The following LYRM7 variants were observed in gnomAD, a reference collection of about 807,000 sequenced individuals.
LYRM7 encodes the protein LYR motif containing 7.
Under a neutral mutation model 15.8 loss-of-function variants are expected in LYRM7, and 9 were observed. That is an observed-to-expected ratio of 0.57 (90% CI 0.34 to 0.99). LYRM7 has a LOEUF of 0.99. Among genes scored for constraint, LYRM7 ranks in the 50% least tolerant of loss-of-function variants. The pLI, the probability that LYRM7 is intolerant of heterozygous loss-of-function variation, is 0.02. For missense variants in LYRM7, 115 were observed against 119.1 expected, an observed-to-expected ratio of 0.97 and a Z score of 0.16; for synonymous variants, 39 against 39.4, an observed-to-expected ratio of 0.99 and a Z score of 0.04.
chr5:131,192,074 CACACACAA>C (rs1427578329), intron 4 of LYRM7, among the ~76,000 whole-genome samples: 20 of 133,620 alleles, frequency 1.5e-4, no homozygotes, highest in African/African-American at 6.3e-4. Flanking sequence ...CACACACACA[CACACACAA>C]TGCAATATTA....
intron 4 of LYRM7, among the ~76,000 whole-genome samples, chr5:131,191,105 T>A (rs1447495941): frequency 6.6e-6 from 1 of 151,892 alleles, no homozygotes; most frequent in Non-Finnish European, 1.5e-5. Context: ...TTTTGACTCT[T>A]TTATGAGTAT....
chr5:131,201,287 C>G lies in LYRM7; in HGVS notation c.*1686C>G, dbSNP rs888025075. The G allele has an allele frequency of 1.4e-5, 2 of 139,948 alleles. No individual in the cohort carries two copies. The highest frequency in any genetic ancestry group is 5.4e-5 in the African/African-American group (2 of 36,846). 8.7% of individuals were successfully genotyped at this position (139,948 alleles called of 1,614,324 possible). A position where few individuals can be genotyped will look rare whatever the true frequency, so the allele number is the denominator to read the frequency against. On this transcript the variant is annotated 3_prime_UTR_variant, in exon 5 of 5. Transcript: ENST00000379380. The stretch of plus-strand genomic sequence containing the variant: ...TGAGATTGTGCCACTGCACTCCAGC[C>G]TGGGGGACAGAGTGAGACTCTGTCT...
At chr5:131,178,378 C>A (rs1441734019) in intron 1 of LYRM7, among the ~76,000 whole-genome samples, 1 of 152,058 alleles carries the variant, frequency 6.6e-6, no homozygotes, top group South Asian at 2.1e-4. Flanking sequence ...CTAAAGTTTC[C>A]ACGACAAGAG....
intron 4 of LYRM7, 80 bp downstream of exon 4, chr5:131,187,189 A>C (rs1387369903): frequency 2.5e-6 from 2 of 795,838 alleles, no homozygotes; most frequent in African/African-American, 1.7e-5. Flanking sequence ...TGTAATGCTG[A>C]GTGATAAAAC....
intron 1 of LYRM7, 41 bp from the exon 2 acceptor site, chr5:131,180,054 G>A (rs766930163): frequency 7.4e-7 from 1 of 1,352,526 alleles, no homozygotes; most frequent in Non-Finnish European, 1.1e-6. Flanking sequence ...TTACAGGCAT[G>A]AGCCACTGTG....
rs1405489555 is a variant in LYRM7 at position 131,202,093 on chromosome 5, C to T, written c.*2492C>T. 1.3e-5 allele frequency: 2 copies of T among 152,088 alleles called. No individual in the cohort carries two copies. The highest frequency in any genetic ancestry group is 4.8e-5 in the African/African-American group (2 of 41,400). 9.4% of individuals were successfully genotyped at this position (152,088 alleles called of 1,614,324 possible). A position where few individuals can be genotyped will look rare whatever the true frequency, so the allele number is the denominator to read the frequency against. ...AGTTGATCCTCCCACCTCAGCCTCC[C>T]AAAGTGCTGGGATTACAGGTGTAAG... On this transcript the variant is annotated 3_prime_UTR_variant, in exon 5 of 5. Transcript: ENST00000379380.
intron 2 of LYRM7, 70 bp downstream of exon 2, chr5:131,180,237 C>A: frequency 1.8e-6 from 2 of 1,116,840 alleles, no homozygotes; most frequent in South Asian, 1.3e-5. Context: ...CTGAGAAACC[C>A]TGTGTGGTCA....
chr5:131,203,867 CAT>C lies in LYRM7; in HGVS notation c.*4268_*4269del, dbSNP rs1756120395. ...TGATCCTGTGAATCAGTTAGCAAAACATAACTCAATGGAAAGATAGGCAAATG... is the reference window on the plus strand; with the variant it reads ...TGATCCTGTGAATCAGTTAGCAAAACAACTCAATGGAAAGATAGGCAAATG... On this transcript the variant is annotated 3_prime_UTR_variant, in exon 5 of 5. Transcript: ENST00000379380. 6.6e-6 allele frequency: 1 copy of C among 152,244 alleles called. No individual in the cohort carries two copies. The highest frequency in any genetic ancestry group is 2.4e-5 in the African/African-American group (1 of 41,422). The allele number at this position is 152,244 out of a possible 1,614,324, so 9.4% of individuals were successfully genotyped here. A position where few individuals can be genotyped will look rare whatever the true frequency, so the allele number is the denominator to read the frequency against.
At chr5:131,178,393 G>A (rs774019988) in intron 1 of LYRM7, among the ~76,000 whole-genome samples, 4 of 152,168 alleles carry the variant, frequency 2.6e-5, no homozygotes, top group Non-Finnish European at 5.9e-5. Context: ...CAAGAGTAAG[G>A]TATAATAAAA....
At chr5:131,192,507 A>C (rs1225433106) in intron 4 of LYRM7, among the ~76,000 whole-genome samples, 2 of 152,224 alleles carry the variant, frequency 1.3e-5, no homozygotes, top group Non-Finnish European at 1.5e-5. Flanking sequence ...ATATACATGC[A>C]TTGAACTATC....
At chr5:131,197,541 C>CTTTTTTTTTTTTTTTTTT (rs60003952) in intron 4 of LYRM7, among the ~76,000 whole-genome samples, 1 of 90,748 alleles carries the variant, frequency 1.1e-5, no homozygotes. Flanking sequence ...TGTCTTCTGT[C>CTTTTTTTTTTTTTTTTTT]TTTTTTTTTT....
At chr5:131,181,290 A>T (rs1468995746) in intron 2 of LYRM7, among the ~76,000 whole-genome samples, 2 of 16,490 alleles carry the variant, frequency 1.2e-4, no homozygotes, top group African/African-American at 3.0e-4. Flanking sequence ...AAAAAAAAAA[A>T]AAAAAAAAAA....
rs1249913203 is a variant in LYRM7 at position 131,204,842 on chromosome 5, G to T, written c.*5241G>T. ...TTGCATATATATGTACAAATGGGTAGAAACGATACATGATTAATCTTAATC... is the reference window on the plus strand; with the variant it reads ...TTGCATATATATGTACAAATGGGTATAAACGATACATGATTAATCTTAATC... On this transcript the variant is annotated 3_prime_UTR_variant, in exon 5 of 5. Coordinates refer to ENST00000379380, the MANE Select transcript of LYRM7 (RefSeq NM_181705.4). 6.6e-6 allele frequency: 1 copy of T among 151,970 alleles called. No homozygotes were observed. Among genetic ancestry groups the T allele is most frequent in the African/African-American group, 2.4e-5 (1 of 41,254 alleles). The allele number at this position is 151,970 out of a possible 1,614,324, so 9.4% of individuals were successfully genotyped here.
At chr5:131,189,902 G>A (rs879546239) in intron 4 of LYRM7, among the ~76,000 whole-genome samples, 2 of 152,138 alleles carry the variant, frequency 1.3e-5, no homozygotes, top group Admixed American at 1.3e-4. Flanking sequence ...GGAGGCTGAG[G>A]TGGGCAAATC....
intron 4 of LYRM7, among the ~76,000 whole-genome samples, chr5:131,189,676 ATCTGTT>A (rs1367568878): frequency 6.6e-6 from 1 of 152,136 alleles, no homozygotes; most frequent in African/African-American, 2.4e-5. Context: ...ATATGTGTGC[ATCTGTT>A]TCTGGACTTT....
At chr5:131,181,371 A>AG (rs1554089916) in intron 2 of LYRM7, among the ~76,000 whole-genome samples, 1 of 40,284 alleles carries the variant, frequency 2.5e-5, no homozygotes, top group African/African-American at 2.3e-4. Flanking sequence ...TAACATATAT[A>AG]TGTATATATA....
chr5:131,199,492 T>C, intron 4 of LYRM7, 39 bp from the exon 5 acceptor site: 1 of 1,396,070 alleles, frequency 7.2e-7, no homozygotes, highest in Non-Finnish European at 9.9e-7. Flanking sequence ...ATTCTAATTT[T>C]AGTGATGTTA....
chr5:131,183,819 G>A (rs922521168), intron 3 of LYRM7, among the ~76,000 whole-genome samples: 4 of 151,932 alleles, frequency 2.6e-5, no homozygotes, highest in African/African-American at 9.7e-5. Context: ...TATTAGAAAT[G>A]TAAACTGAGA....
At chr5:131,176,016 T>G (rs1755597039) in intron 1 of LYRM7, among the ~76,000 whole-genome samples, 1 of 152,174 alleles carries the variant, frequency 6.6e-6, no homozygotes, top group Non-Finnish European at 1.5e-5. Context: ...CACCTCAGCT[T>G]CCCAAAGGGC....
Sources: allele counts gnomAD v4.1 joint callset (sites outside exome capture counted in the v4.1 genomes callset), GRCh38; gene constraint gnomAD v4.1.1; transcripts MANE v1.5; gene names NCBI Gene and HGNC (gene_info 2026-07-23, HGNC 2026-07-21).